GTF3C1: variants seen among roughly 807,000 people sequenced by gnomAD.
GTF3C1 encodes general transcription factor 3C polypeptide 1.
Under a neutral mutation model 226.7 loss-of-function variants are expected in GTF3C1, and 57 were observed. The ratio of observed to expected loss-of-function variants is 0.25; its 90% CI spans 0.20 to 0.31. The LOEUF (loss-of-function observed/expected upper bound fraction) is 0.31, where lower values mean the gene tolerates loss of function less well. GTF3C1 is among the 10% of genes least tolerant of loss of function. The pLI is 1.00. For synonymous variants in GTF3C1, 1,090 were observed against 1,084.8 expected (o/e 1.00, Z -0.09); for missense variants, 2,217 against 2,776.1 (o/e 0.80, Z 4.53).
rs765203442 is a variant in GTF3C1 at position 27,465,496 on chromosome 16, C to A, written c.5119G>T (p.Asp1707Tyr). ...ELTMGTSCLP[D>Y]TFTKLINPQE... The stretch of plus-strand genomic sequence containing the variant: ...GGGTTTATCAGCTTGGTGAACGTAT[C>A]AGGGAGGCAGGAGGTTCCCATTGTT... The change falls in exon 33 of 37, where the codon GAT becomes TAT. Residue 1707 changes from aspartate to tyrosine, a missense_variant. By Grantham distance (160) the Asp-to-Tyr change is radical (BLOSUM62 -3). Around this residue, in one of 12 missense-constraint regions of GTF3C1, gnomAD observed 455 missense variants for 441.9 expected, o/e 1.03. Transcript: ENST00000356183. 1.0e-5 allele frequency: 16 copies of A among 1,603,824 alleles called. No homozygotes were observed. Among genetic ancestry groups the A allele is most frequent in the Non-Finnish European group, 1.4e-5 (16 of 1,179,666 alleles).
In GTF3C1 at chr16:27,507,353, GA is replaced by G. The variant is rs2088501681; in HGVS notation, c.1243-198del. ...TAATCCCCCAGGTCTTCCTTCCACA[GA>G]GATCCTTCTCTGAAGTACAACCCTG... On this transcript the variant is annotated intron_variant, in intron 8 of 36. Transcript: ENST00000356183. The surrounding 1 kb of genome is among the most constrained non-coding windows in gnomAD (Gnocchi z 4.9). Among the ~76,000 whole-genome samples, 1 of 152,158 alleles carries G rather than the reference GA, an allele frequency of 6.6e-6. No homozygotes were observed. Among genetic ancestry groups the G allele is most frequent in the Non-Finnish European group, 1.5e-5 (1 of 68,028 alleles).
intron 28 of GTF3C1, among the ~76,000 whole-genome samples, chr16:27,476,885 C>A (rs2141358064): frequency 6.6e-6 from 1 of 152,326 alleles, no homozygotes; most frequent in Admixed American, 6.5e-5. Flanking sequence ...GAGCTAAAAT[C>A]AAAGTGACTA....
At chr16:27,483,164 C>T in intron 25 of GTF3C1, 39 bp from the exon 26 acceptor site, 1 of 1,573,950 alleles carries the variant, frequency 6.4e-7, no homozygotes. Flanking sequence ...CTGGGAATTG[C>T]AATGATGCCC....
chr16:27,485,663 A>G (rs2088127624), intron 24 of GTF3C1, among the ~76,000 whole-genome samples: 1 of 152,336 alleles, frequency 6.6e-6, no homozygotes, highest in Admixed American at 6.5e-5. Context: ...AAAGAAATGT[A>G]GAAAAACAGA....
chr16:27,466,484 TCTC>T (rs2087788942), intron 32 of GTF3C1, among the ~76,000 whole-genome samples: 1 of 152,144 alleles, frequency 6.6e-6, no homozygotes. Flanking sequence ...TTTTCTTCCC[TCTC>T]CTGGGGCTCC....
intron 6 of GTF3C1, among the ~76,000 whole-genome samples, chr16:27,523,550 C>A (rs2141430330): frequency 6.6e-6 from 1 of 152,228 alleles, no homozygotes; most frequent in South Asian, 2.1e-4. Flanking sequence ...CTGAAAACTG[C>A]CTTCATCCCT....
chr16:27,462,193 A>G lies in GTF3C1; in HGVS notation c.6117+101T>C. On this transcript the variant is annotated intron_variant, in intron 36 of 36. Coordinates refer to ENST00000356183, the MANE Select transcript of GTF3C1 (RefSeq NM_001520.4). This position sits in a 1 kb window ranked among gnomAD's most constrained non-coding sequence, Gnocchi z 4.5. ...GGGGGAGGAGGTGCAGGCAAGCAGT[A>G]TGGTGGTACTGCATGTTGCCTGGGG... 1 of 779,542 alleles carries G rather than the reference A, an allele frequency of 1.3e-6. No homozygotes were observed. The highest frequency in any genetic ancestry group is 1.7e-5 in the South Asian group (1 of 59,956). The allele number at this position is 779,542 out of a possible 1,614,324, so 48.3% of individuals were successfully genotyped here. A position where few individuals can be genotyped will look rare whatever the true frequency, so the allele number is the denominator to read the frequency against.
chr16:27,512,006 TC>T, intron 6 of GTF3C1, 105 bp from the exon 7 acceptor site: 1 of 1,298,772 alleles, frequency 7.7e-7, no homozygotes, highest in Non-Finnish European at 1.1e-6. Context: ...GAGACAGAGA[TC>T]CCCACAAAGG....
chr16:27,526,621 A>G (rs577161177), intron 6 of GTF3C1, among the ~76,000 whole-genome samples: 1 of 152,228 alleles, frequency 6.6e-6, no homozygotes, highest in Non-Finnish European at 1.5e-5. Context: ...ATCGCCCTTC[A>G]CAGGCACTTA....
intron 12 of GTF3C1, 137 bp downstream of exon 12, chr16:27,501,054 A>C: frequency 1.4e-6 from 1 of 710,552 alleles, no homozygotes; most frequent in Non-Finnish European, 2.3e-6. Flanking sequence ...ATATTCCCCA[A>C]ATCAGGAGGC....
chr16:27,489,272 C>A, intron 20 of GTF3C1, 94 bp from the exon 21 acceptor site: 1 of 1,381,316 alleles, frequency 7.2e-7, no homozygotes, highest in Non-Finnish European at 1.0e-6. Context: ...TATTTATAAC[C>A]AACTTTCACC....
At chr16:27,472,964 T>A (rs2087897680) in intron 29 of GTF3C1, among the ~76,000 whole-genome samples, 1 of 152,220 alleles carries the variant, frequency 6.6e-6, no homozygotes, top group Non-Finnish European at 1.5e-5. Context: ...TTGCCCAGGC[T>A]GGAGTACAGT....
rs116443723 is a variant in GTF3C1 at position 27,462,041 on chromosome 16, A to T, written c.6117+253T>A. ...GGCCCGGCGGACTCATGAGTTAGTG[A>T]CCCCTGGCACAGAGAAAGCATCAGA... On this transcript the variant is annotated intron_variant, in intron 36 of 36. Coordinates refer to ENST00000356183, the MANE Select transcript of GTF3C1 (RefSeq NM_001520.4). The surrounding 1 kb of genome is among the most constrained non-coding windows in gnomAD (Gnocchi z 4.5). The T allele has an allele frequency of 4.1e-3, 2,075 of 508,456 alleles. 33 individuals are homozygous for T. The highest frequency in any genetic ancestry group is 0.035 in the African/African-American group (1,851 of 52,586). The allele number at this position is 508,456 out of a possible 1,614,324, so 31.5% of individuals were successfully genotyped here. A position where few individuals can be genotyped will look rare whatever the true frequency, so the allele number is the denominator to read the frequency against.
In GTF3C1 at chr16:27,478,451, C is replaced by T; in HGVS notation, c.4259+18G>A. On this transcript the variant is annotated intron_variant, in intron 28 of 36. Transcript: ENST00000356183. ...ATTAAGCAGCTGAGGAAAAGCTACT[C>T]TATATATCAGTACTTACCTGTTAAG... 1 of 1,522,414 alleles carries T rather than the reference C, an allele frequency of 6.6e-7. No individual in the cohort carries two copies. The highest frequency in any genetic ancestry group is 9.1e-7 in the Non-Finnish European group (1 of 1,096,444). The allele number at this position is 1,522,414 out of a possible 1,614,324, so 94.3% of individuals were successfully genotyped here. A position where few individuals can be genotyped will look rare whatever the true frequency, so the allele number is the denominator to read the frequency against.
At chr16:27,535,934 G>C (rs2088994969) in intron 4 of GTF3C1, among the ~76,000 whole-genome samples, 1 of 152,138 alleles carries the variant, frequency 6.6e-6, no homozygotes, top group Non-Finnish European at 1.5e-5. Context: ...TAACACCATG[G>C]GACCCACACA....
rs1428757068 is a variant in GTF3C1, at chr16:27,470,237, T to A, written c.4685A>T (p.Asp1562Val). The change falls in exon 31 of 37, where the codon GAC (aspartate) becomes GTC (valine). Residue 1562 changes from aspartate (D) to valine (V), a missense_variant. Physicochemically the swap from Asp to Val is radical, Grantham distance 152. Transcript: ENST00000356183. This position sits in a 1 kb window ranked among gnomAD's most constrained non-coding sequence, Gnocchi z 4.9. ...PTNDMVAFSLDGPGGNCVAVL... is the reference protein window; with the variant it reads ...PTNDMVAFSLVGPGGNCVAVL... ...GGCCACACAATTTCCTCCAGGGCCGTCCAGTGAAAAGGCCACCATGTCGTT... is the reference window on the plus strand; with the variant it reads ...GGCCACACAATTTCCTCCAGGGCCGACCAGTGAAAAGGCCACCATGTCGTT... 6.2e-7 allele frequency: 1 copy of A among 1,613,954 alleles called. No individual in the cohort carries two copies.
At chr16:27,518,440 A>G (rs2088695639) in intron 6 of GTF3C1, among the ~76,000 whole-genome samples, 1 of 152,234 alleles carries the variant, frequency 6.6e-6, no homozygotes, top group African/African-American at 2.4e-5. Context: ...CAATAATAGT[A>G]TCTTCCTCAT....
At chr16:27,541,213 G>A (rs777800381) in intron 2 of GTF3C1, among the ~76,000 whole-genome samples, 3 of 152,186 alleles carry the variant, frequency 2.0e-5, no homozygotes, top group African/African-American at 2.4e-5. Context: ...GAAGCTGCAC[G>A]GTTACAGAGG....
chr16:27,544,905 T>C (rs371754095), intron 2 of GTF3C1, among the ~76,000 whole-genome samples: 2 of 152,036 alleles, frequency 1.3e-5, no homozygotes, highest in East Asian at 3.9e-4. Context: ...GACTCCAAGG[T>C]TGTGGGCCAG....
Sources: allele counts gnomAD v4.1 joint callset (sites outside exome capture counted in the v4.1 genomes callset), GRCh38; gene constraint gnomAD v4.1.1; regional missense constraint gnomAD v4.1.1; non-coding constraint Gnocchi (gnomAD v3.1); transcripts MANE v1.5; gene names NCBI Gene and HGNC (gene_info 2026-07-23, HGNC 2026-07-21).